The following LFNG variants were observed in gnomAD, a reference collection of about 807,000 sequenced individuals.
The protein encoded by LFNG is beta-1,3-N-acetylglucosaminyltransferase lunatic fringe.
A neutral mutation model predicts 32.7 loss-of-function variants in LFNG; 15 were observed. That is an observed-to-expected ratio of 0.46 (90% CI 0.31 to 0.71). The LOEUF is 0.71. Among genes scored for constraint, LFNG ranks in the 30% least tolerant of loss-of-function variants. The probability of loss-of-function intolerance (pLI) is 0.06; values close to 1 mark genes in which losing one functional copy is unlikely to be tolerated. For synonymous variants in LFNG, 274 were observed against 246.8 expected, an observed-to-expected ratio of 1.11 and a Z score of -1.03; for missense variants, 520 against 545.7, an observed-to-expected ratio of 0.95 and a Z score of 0.47.
In LFNG at chr7:2,527,135, T is replaced by C. The variant is rs1270782112; in HGVS notation, c.1074-11T>C. The stretch of plus-strand genomic sequence containing the variant: ...CACCCACGCAGACCAGCCCCTGCTC[T>C]GTTCCCACAGGTTCCGCTCCATCCA... On this transcript the variant is annotated splice_polypyrimidine_tract_variant and intron_variant, in intron 7 of 7. Coordinates refer to ENST00000222725, the MANE Select transcript of LFNG (RefSeq NM_001040167.2). The surrounding 1 kb of genome is among the most constrained non-coding windows in gnomAD (Gnocchi z 4.4). The C allele has an allele frequency of 6.2e-7, 1 of 1,612,186 alleles. No homozygotes were observed. Among genetic ancestry groups the C allele is most frequent in the Admixed American group, 1.7e-5 (1 of 60,010 alleles).
At chr7:2,515,192 C>T (rs1052993579), upstream of LFNG, among the ~76,000 whole-genome samples, 4 of 151,632 alleles carry the variant, frequency 2.6e-5, no homozygotes, top group African/African-American at 9.7e-5. Context: ...CCATCCGTCC[C>T]TCCATCTGTC....
rs1220226508 is a variant in LFNG at position 2,526,044 on chromosome 7, C to G, written c.822-200C>G. ...CTTCCCTGCACCCAGATTCCCTCCA[C>G]AGAGAGCCACGGAGCACAGGAGCTG... On this transcript the variant is annotated intron_variant, in intron 5 of 7. Coordinates refer to ENST00000222725, the MANE Select transcript of LFNG (RefSeq NM_001040167.2). This position sits in a 1 kb window ranked among gnomAD's most constrained non-coding sequence, Gnocchi z 6.9. Among the ~76,000 whole-genome samples, 1 of 152,138 alleles carries G rather than the reference C, an allele frequency of 6.6e-6. No individual in the cohort carries two copies. The highest frequency in any genetic ancestry group is 1.5e-5 in the Non-Finnish European group (1 of 68,002).
chr7:2,525,452 T>C lies in LFNG; in HGVS notation c.620T>C (p.Leu207Pro). Residue 207 changes from leucine to proline, a missense_variant, in exon 4 of 8, where the codon CTG becomes CCG. Physicochemically the swap from Leu to Pro is moderately conservative, Grantham distance 98. Transcript: ENST00000222725. The part of the protein sequence containing the change: ...CHVDDDNYVN[L>P]RALLRLLASY... ...GTGGACGATGACAACTACGTCAACC[T>C]GCGGGCCCTGCTGCGGCTGCTGGCC... 1.9e-6 allele frequency: 3 copies of C among 1,612,804 alleles called. No homozygotes were observed. The highest frequency in any genetic ancestry group is 1.6e-4 in the Middle Eastern group (1 of 6,062).
In LFNG at chr7:2,520,117, A is replaced by C; in HGVS notation, c.256A>C (p.Arg86=). ...CTTCAGCCTGCTCACCCGCGCGCGC[A>C]GAGATGCGGGCCCGCCGCCCGGGGC... ...EYFSLLTRAR[R]DAGPPPGAAP... The change falls in exon 1 of 8, where the codon AGA becomes CGA. Residue 86 remains arginine (R), a synonymous_variant. Transcript: ENST00000222725. This position sits in a 1 kb window ranked among gnomAD's most constrained non-coding sequence, Gnocchi z 5.0. 7.4e-7 allele frequency: 1 copy of C among 1,351,560 alleles called. No individual in the cohort carries two copies. The highest frequency in any genetic ancestry group is 1.8e-5 in the South Asian group (1 of 55,804). 83.7% of individuals were successfully genotyped at this position (1,351,560 alleles called of 1,614,324 possible).
At chr7:2,513,122 C>T (rs781713770), upstream of LFNG, 545 of 1,610,042 alleles carry the variant, frequency 3.4e-4, no homozygotes, top group South Asian at 4.6e-4. Flanking sequence ...ATTTTTCTAA[C>T]CCCTGTTGAA....
chr7:2,514,863 T>TATCCATCCATCCATTCATCCATGC (rs1779581730), upstream of LFNG, among the ~76,000 whole-genome samples: 1 of 97,890 alleles, frequency 1.0e-5, no homozygotes, highest in Non-Finnish European at 2.5e-5. Flanking sequence ...TTCATCTGTC[T>TATCCATCCATCCATTCATCCATGC]ATCCATCCAT....
upstream of LFNG, among the ~76,000 whole-genome samples, chr7:2,514,816 GTCCATCCA>G (rs5881928): frequency 0.072 from 7,780 of 108,454 alleles, 231 homozygotes; most frequent in South Asian, 0.16. Context: ...CGGTCTGTCT[GTCCATCCA>G]TCCATCCATC....
rs754159757 is a variant in LFNG, at chr7:2,526,272, C to T, written c.850C>T (p.Arg284Trp). ...GGGTCACTTCATGAATACGGCTGAG[C>T]GGATCCGGCTGCCTGATGACTGCAC... ...SGGHFMNTAE[R>W]IRLPDDCTIG... Residue 284 changes from arginine (R) to tryptophan (W), a missense_variant, in exon 6 of 8, where the codon CGG becomes TGG. Physicochemically the swap from Arg to Trp is moderately radical, Grantham distance 101 (BLOSUM62 -3). This residue lies in a region of LFNG where 150 missense variants were observed against 159.9 expected (regional missense o/e 0.94). Coordinates refer to ENST00000222725, the MANE Select transcript of LFNG (RefSeq NM_001040167.2). The surrounding 1 kb of genome is among the most constrained non-coding windows in gnomAD (Gnocchi z 6.9). 1.1e-5 allele frequency: 18 copies of T among 1,612,890 alleles called. No individual in the cohort carries two copies. Among genetic ancestry groups the T allele is most frequent in the African/African-American group, 4.0e-5 (3 of 74,920 alleles).
chr7:2,516,645 C>T (rs1006204645), upstream of LFNG, among the ~76,000 whole-genome samples: 3 of 152,184 alleles, frequency 2.0e-5, no homozygotes, highest in Admixed American at 6.5e-5. Context: ...GTCCTGGCTC[C>T]GTGGGCCTGC....
In LFNG at chr7:2,519,805, G is replaced by T. The variant is rs906858134; in HGVS notation, c.-57G>T. ...CTGCGCCGCCGGAGCGACGGGCTTC[G>T]GGTCGGTGCAAGGCAGGCGCACGGG... On this transcript the variant is annotated 5_prime_UTR_variant, in exon 1 of 8. Coordinates refer to ENST00000222725, the MANE Select transcript of LFNG (RefSeq NM_001040167.2). The T allele has an allele frequency of 4.0e-6, 4 of 994,490 alleles. No individual in the cohort carries two copies. The highest frequency in any genetic ancestry group is 4.6e-5 in the South Asian group (1 of 21,756). 61.6% of individuals were successfully genotyped at this position (994,490 alleles called of 1,614,324 possible).
Position 2,519,841 on chromosome 7 carries a change from C to A in LFNG, c.-21C>A. The A allele has an allele frequency of 9.3e-7, 1 of 1,076,884 alleles. No individual in the cohort carries two copies. The allele number at this position is 1,076,884 out of a possible 1,614,324, so 66.7% of individuals were successfully genotyped here. On this transcript the variant is annotated 5_prime_UTR_variant, in exon 1 of 8. Transcript: ENST00000222725. ...AGGCAGGCGCACGGGGAAGGGCGCG[C>A]CGCGCGGCCGCCACCCCACCATGCT...
chr7:2,524,064 G>A (rs1280378515), intron 1 of LFNG, among the ~76,000 whole-genome samples: 1 of 152,304 alleles, frequency 6.6e-6, no homozygotes, highest in Admixed American at 6.5e-5. Flanking sequence ...TAACTCGGCC[G>A]AGTTAAGGCC....
upstream of LFNG, chr7:2,519,739 G>A (rs995634537): frequency 1.9e-5 from 9 of 470,940 alleles, no homozygotes; most frequent in Non-Finnish European, 5.6e-6. Context: ...ACCGGGGCGG[G>A]GAGGTTTAAG....
In LFNG at chr7:2,525,673, C is replaced by T. The variant is rs1447244259; in HGVS notation, c.736-12C>T. ...GCGCCTGGGTCTCAGGACACCTTCT[C>T]CCTTCTCCCAGCGTCCTGTCCACTT... On this transcript the variant is annotated splice_polypyrimidine_tract_variant and intron_variant, in intron 4 of 7. Transcript: ENST00000222725. 1 of 1,613,114 alleles carries T rather than the reference C, an allele frequency of 6.2e-7. No homozygotes were observed.
intron 1 of LFNG, among the ~76,000 whole-genome samples, chr7:2,521,842 A>G (rs1405819190): frequency 6.6e-6 from 1 of 152,160 alleles, no homozygotes; most frequent in Admixed American, 6.5e-5. Flanking sequence ...AGCACGTTGT[A>G]AGAGACTGGC....
At chr7:2,512,625 C>G (rs1206555922) in exon 1 of LFNG, 2 of 1,612,514 alleles carry the variant, frequency 1.2e-6, no homozygotes, top group Admixed American at 1.7e-5. Flanking sequence ...TTCCTCCCTC[C>G]CTGGCCACAA....
At position 2,525,445 on chromosome 7, in the gene LFNG, G is replaced by C. The variant is rs763864573; in HGVS notation, c.613G>C (p.Val205Leu). The change falls in exon 4 of 8, where the codon GTC becomes CTC. Residue 205 changes from valine to leucine, a missense_variant. By Grantham distance (32) the Val-to-Leu change is conservative. Coordinates refer to ENST00000222725, the MANE Select transcript of LFNG (RefSeq NM_001040167.2). The stretch of plus-strand genomic sequence containing the variant: ...CTGCCACGTGGACGATGACAACTAC[G>C]TCAACCTGCGGGCCCTGCTGCGGCT... Reference protein sequence around the residue: ...WFCHVDDDNYVNLRALLRLLA... With the variant: ...WFCHVDDDNYLNLRALLRLLA... 6.2e-7 allele frequency: 1 copy of C among 1,612,834 alleles called. No homozygotes were observed. The highest frequency in any genetic ancestry group is 8.5e-7 in the Non-Finnish European group (1 of 1,179,886).
chr7:2,527,212 G>A lies in LFNG; in HGVS notation c.1140G>A (p.Ter380=), dbSNP rs1780013685. 12 of 1,612,476 alleles carry A rather than the reference G, an allele frequency of 7.4e-6. No homozygotes were observed. The highest frequency in any genetic ancestry group is 1.0e-5 in the Non-Finnish European group (12 of 1,179,962). Reference sequence around the variant, plus strand: ...GGTGTCCCCGCACTGCCATCTTCTAGTGGCCATGGCTGAGACCCAATCCCT... The same window carrying A: ...GGTGTCCCCGCACTGCCATCTTCTAATGGCCATGGCTGAGACCCAATCCCT... ...TPWCPRTAIF[*] The change falls in exon 8 of 8, where the codon TAG becomes TAA. Residue 380 remains the stop codon, a stop_retained_variant. Coordinates refer to ENST00000222725, the MANE Select transcript of LFNG (RefSeq NM_001040167.2). The surrounding 1 kb of genome is among the most constrained non-coding windows in gnomAD (Gnocchi z 4.4).
In LFNG at chr7:2,526,710, GT is replaced by G; in HGVS notation, c.988-125del. The G allele has an allele frequency of 1.1e-6, 1 of 882,238 alleles. No homozygotes were observed. Among genetic ancestry groups the G allele is most frequent in the South Asian group, 1.4e-5 (1 of 71,028 alleles). 54.7% of individuals were successfully genotyped at this position (882,238 alleles called of 1,614,324 possible). A position where few individuals can be genotyped will look rare whatever the true frequency, so the allele number is the denominator to read the frequency against. ...CTTATTCCTGGGGTGTGCAGGGCAG[GT>G]GTCCTTCCAGGTCCAAGGGAGGCCA... is the stretch of plus-strand genomic sequence containing the variant. On this transcript the variant is annotated intron_variant, in intron 6 of 7. Coordinates refer to ENST00000222725, the MANE Select transcript of LFNG (RefSeq NM_001040167.2). This position sits in a 1 kb window ranked among gnomAD's most constrained non-coding sequence, Gnocchi z 6.9.
Sources: gnomAD v4.1 joint callset for allele counts (sites outside exome capture counted in the v4.1 genomes callset) on GRCh38, gnomAD v4.1.1 for gene constraint, gnomAD v4.1.1 regional missense constraint, Gnocchi (gnomAD v3.1) non-coding constraint, MANE v1.5 for transcripts, NCBI Gene and HGNC (gene_info 2026-07-23, HGNC 2026-07-21) for gene names.